The following FRAS1 variants were observed in gnomAD, a reference collection of about 807,000 sequenced individuals.
FRAS1 encodes extracellular matrix organizing protein FRAS1.
Under a neutral mutation model 435.2 loss-of-function variants are expected in FRAS1, and 290 were observed. The ratio of observed to expected loss-of-function variants is 0.67; its 90% CI spans 0.61 to 0.73. The LOEUF (loss-of-function observed/expected upper bound fraction) is 0.73, where lower values mean the gene tolerates loss of function less well. FRAS1 is among the 30% of genes least tolerant of loss of function. The probability of loss-of-function intolerance (pLI) is 0.00; values close to 1 mark genes in which losing one functional copy is unlikely to be tolerated. For synonymous variants in FRAS1, 1,800 were observed against 1,851.0 expected, an observed-to-expected ratio of 0.97 and a Z score of 0.71; for missense variants, 4,860 against 5,001.5, an observed-to-expected ratio of 0.97 and a Z score of 0.85.
At chr4:78,291,046 G>A (rs1331001791) in intron 14 of FRAS1, among the ~76,000 whole-genome samples, 29 of 152,290 alleles carry the variant, frequency 1.9e-4, no homozygotes, top group Non-Finnish European at 4.1e-4. Context: ...GATTACAGGC[G>A]TGAGCCACTG....
At position 78,266,925 on chromosome 4, in the gene FRAS1, G is replaced by C. The variant is rs950413797; in HGVS notation, c.779G>C (p.Arg260Thr). The C allele has an allele frequency of 1.1e-5, 18 of 1,603,062 alleles. No homozygotes were observed. The highest frequency in any genetic ancestry group is 3.3e-4 in the Middle Eastern group (2 of 6,048). ...RCHKQACLPL[R>T]CGKGQSRARR... is the part of the protein sequence containing the mutation. Reference sequence around the variant, plus strand: ...CACAAGCAGGCCTGCCTGCCCCTGAGATGCGGAAAGGTATTTGAGAGTGTG... The same window carrying C: ...CACAAGCAGGCCTGCCTGCCCCTGACATGCGGAAAGGTATTTGAGAGTGTG... The change falls in exon 8 of 74, where the codon AGA (arginine) becomes ACA (threonine). Residue 260 changes from arginine to threonine, a missense_variant. Arg to Thr is a moderately conservative substitution (Grantham distance 71). Transcript: ENST00000512123.
chr4:78,165,277 C>A (rs1261021146), intron 2 of FRAS1, among the ~76,000 whole-genome samples: 2 of 152,136 alleles, frequency 1.3e-5, no homozygotes, highest in African/African-American at 4.8e-5. Context: ...CAGTGTGTTC[C>A]AAACAATCTA....
chr4:78,118,092 C>G (rs1282973771), intron 2 of FRAS1, among the ~76,000 whole-genome samples: 1 of 152,184 alleles, frequency 6.6e-6, no homozygotes, highest in Non-Finnish European at 1.5e-5. Context: ...TGCTGGAGGT[C>G]CACTCCAGAC....
intron 20 of FRAS1, among the ~76,000 whole-genome samples, chr4:78,360,844 T>C (rs1731047637): frequency 6.6e-6 from 1 of 152,244 alleles, no homozygotes; most frequent in Non-Finnish European, 1.5e-5. Context: ...TTATTTGTTG[T>C]ACCCACAAAA....
intron 59 of FRAS1, among the ~76,000 whole-genome samples, chr4:78,491,421 T>C (rs1223771583): frequency 6.6e-6 from 1 of 152,148 alleles, no homozygotes; most frequent in African/African-American, 2.4e-5. Flanking sequence ...ACTGGCAAAC[T>C]GAATCCAGCA....
At chr4:78,342,725 A>AT (rs917708268) in intron 20 of FRAS1, among the ~76,000 whole-genome samples, 17 of 152,178 alleles carry the variant, frequency 1.1e-4, no homozygotes, top group African/African-American at 4.1e-4. Context: ...ATGCAGATGC[A>AT]TTTTTTAAAC....
In FRAS1 at chr4:78,058,048, G is replaced by A. The variant is rs773457837; in HGVS notation, c.39G>A (p.Ala13=). Reference sequence around the variant, plus strand: ...AAGTGTGGCTCGGGCTGGCCCTAGCGTTGGCGGAATTTGCAGTATTGCCTC... The same window carrying A: ...AAGTGTGGCTCGGGCTGGCCCTAGCATTGGCGGAATTTGCAGTATTGCCTC... ...VLKVWLGLAL[A]LAEFAVLPHH... The change falls in exon 1 of 74, where the codon GCG becomes GCA. Residue 13 remains alanine, a synonymous_variant. Transcript: ENST00000512123. The A allele has an allele frequency of 1.2e-4, 193 of 1,613,858 alleles. No individual in the cohort carries two copies. The Admixed American group carries it at 3.2e-3, about 27-fold the overall frequency.
chr4:78,383,003 A>G (rs891926394), intron 27 of FRAS1, among the ~76,000 whole-genome samples: 2 of 152,216 alleles, frequency 1.3e-5, no homozygotes, highest in Non-Finnish European at 2.9e-5. Context: ...AAGAACTTTT[A>G]AAACAATGGT....
At chr4:78,516,990 A>G (rs1721233608) in intron 66 of FRAS1, among the ~76,000 whole-genome samples, 1 of 152,248 alleles carries the variant, frequency 6.6e-6, no homozygotes, top group Non-Finnish European at 1.5e-5. Flanking sequence ...TCAAAGGGCC[A>G]GTGAGACTAG....
chr4:78,127,130 C>T (rs1282670005), intron 2 of FRAS1, among the ~76,000 whole-genome samples: 1 of 90,348 alleles, frequency 1.1e-5, no homozygotes, highest in Non-Finnish European at 2.1e-5. Flanking sequence ...ATTCAAAAAA[C>T]AATTATTAAA....
chr4:78,228,661 C>A (rs1254354135), intron 2 of FRAS1, among the ~76,000 whole-genome samples: 1 of 152,150 alleles, frequency 6.6e-6, no homozygotes, highest in Non-Finnish European at 1.5e-5. Flanking sequence ...GAAAAGTTAT[C>A]TTCTTCTTAT....
intron 37 of FRAS1, among the ~76,000 whole-genome samples, chr4:78,431,392 A>G (rs1038890179): frequency 6.6e-6 from 1 of 152,220 alleles, no homozygotes; most frequent in South Asian, 2.1e-4. Flanking sequence ...TATAAAATCT[A>G]AAGGCGTTGA....
At chr4:78,510,561 C>G (rs1160736975) in intron 63 of FRAS1, among the ~76,000 whole-genome samples, 1 of 152,148 alleles carries the variant, frequency 6.6e-6, no homozygotes, top group East Asian at 1.9e-4. Context: ...GCACACAGAA[C>G]TACTGATTAA....
intron 2 of FRAS1, among the ~76,000 whole-genome samples, chr4:78,225,354 T>G (rs1283952383): frequency 6.6e-6 from 1 of 152,200 alleles, no homozygotes; most frequent in Non-Finnish European, 1.5e-5. Flanking sequence ...CATCTCAAGA[T>G]TATGGACCAT....
At chr4:78,140,859 A>C (rs1720152434) in intron 2 of FRAS1, among the ~76,000 whole-genome samples, 1 of 151,890 alleles carries the variant, frequency 6.6e-6, no homozygotes, top group African/African-American at 2.4e-5. Flanking sequence ...CAGTGACCCA[A>C]ATTTTGTGGT....
chr4:78,458,525 T>C (rs1719272699), intron 47 of FRAS1, among the ~76,000 whole-genome samples: 1 of 152,012 alleles, frequency 6.6e-6, no homozygotes, highest in Non-Finnish European at 1.5e-5. Flanking sequence ...TGCTTGGACA[T>C]AGAGATGGGA....
At chr4:78,480,476 C>T (rs1719980212) in intron 56 of FRAS1, among the ~76,000 whole-genome samples, 1 of 152,176 alleles carries the variant, frequency 6.6e-6, no homozygotes, top group African/African-American at 2.4e-5. Flanking sequence ...ATGGGCTGAC[C>T]TCTGTGGTCC....
intron 2 of FRAS1, among the ~76,000 whole-genome samples, chr4:78,147,055 C>T (rs1720449590): frequency 6.6e-6 from 1 of 152,146 alleles, no homozygotes; most frequent in Non-Finnish European, 1.5e-5. Flanking sequence ...TTATCCAAAA[C>T]CCTGCCCCTT....
intron 14 of FRAS1, among the ~76,000 whole-genome samples, chr4:78,288,980 G>C (rs1017769099): frequency 6.6e-6 from 1 of 152,140 alleles, no homozygotes; most frequent in Non-Finnish European, 1.5e-5. Flanking sequence ...CTCTTGGCAG[G>C]GTCATTTATG....
Sources: allele counts gnomAD v4.1 joint callset (sites outside exome capture counted in the v4.1 genomes callset), GRCh38; gene constraint gnomAD v4.1.1; transcripts MANE v1.5; gene names NCBI Gene and HGNC (gene_info 2026-07-23, HGNC 2026-07-21).